ENY2: variants seen among roughly 807,000 people sequenced by gnomAD.
ENY2 encodes ENY2 transcription and export complex 2 subunit.
A neutral mutation model predicts 15.9 loss-of-function variants in ENY2; 4 were observed. The observed-to-expected ratio is 0.25, with a 90% CI of 0.12 to 0.57. The LOEUF (loss-of-function observed/expected upper bound fraction) is 0.57, where lower values mean the gene tolerates loss of function less well. ENY2 is among the 20% of genes least tolerant of loss of function. The pLI, the probability that ENY2 is intolerant of heterozygous loss-of-function variation, is 0.91. For missense variants in ENY2, 54 were observed against 117.2 expected, an observed-to-expected ratio of 0.46 and a Z score of 2.49; for synonymous variants, 48 against 38.0, an observed-to-expected ratio of 1.26 and a Z score of -0.97.
At chr8:109,339,471 A>G in intron 3 of ENY2, 81 bp downstream of exon 3, 2 of 1,134,178 alleles carry the variant, frequency 1.8e-6, no homozygotes, top group Non-Finnish European at 1.3e-6. Flanking sequence ...TTTAAGGTAT[A>G]TTGAGTATTC....
intron 1 of ENY2, 192 bp downstream of exon 1, chr8:109,334,666 G>T (rs768984970): frequency 9.7e-5 from 59 of 611,250 alleles, no homozygotes; most frequent in Non-Finnish European, 1.4e-4. Flanking sequence ...CGCCTCTCCC[G>T]CTGTCTCCGC....
rs1349924968 is a variant in ENY2, at chr8:109,336,825, C to T, written c.83+621C>T. Among the ~76,000 whole-genome samples the T allele has an allele frequency of 2.6e-5, 4 of 151,908 alleles. No individual in the cohort carries two copies. The East Asian group carries it at 5.8e-4, about 22-fold the overall frequency. On this transcript the variant is annotated intron_variant, in intron 2 of 4. Coordinates refer to ENST00000521688, the MANE Select transcript of ENY2 (RefSeq NM_020189.6). ...GCTTTGTTTGGTTCATAATTGGCCA[C>T]GTAAATATTTGCAGAATCAACAGGT... is the stretch of plus-strand genomic sequence containing the variant.
At chr8:109,336,071 T>C in intron 1 of ENY2, 57 bp from the exon 2 acceptor site, 1 of 1,537,750 alleles carries the variant, frequency 6.5e-7, no homozygotes, top group Admixed American at 1.7e-5. Flanking sequence ...GCCTAGAGGA[T>C]TTAGCAGAAA....
At chr8:109,337,986 C>T (rs1268879514) in intron 2 of ENY2, among the ~76,000 whole-genome samples, 1 of 151,494 alleles carries the variant, frequency 6.6e-6, no homozygotes, top group Non-Finnish European at 1.5e-5. Flanking sequence ...TTTTGAGGAG[C>T]ACAGGGATGC....
At chr8:109,342,685 T>C (rs1417534595) in intron 4 of ENY2, 1 of 697,620 alleles carries the variant, frequency 1.4e-6, no homozygotes, top group Non-Finnish European at 2.6e-6. Context: ...TTTTATTTTT[T>C]GTAGAGACAG....
Position 109,345,208 on chromosome 8 carries a change from A to G in ENY2, c.*1727A>G, listed in dbSNP as rs1816218336. On this transcript the variant is annotated 3_prime_UTR_variant, in exon 5 of 5. Coordinates refer to ENST00000521688, the MANE Select transcript of ENY2 (RefSeq NM_020189.6). ...AAGCAGCTATGCATAATTCCTCTTC[A>G]ACACAGTAGTTCTTGAAATTTTGCA... 1 of 152,166 alleles carries G rather than the reference A, an allele frequency of 6.6e-6. No individual in the cohort carries two copies. 9.4% of individuals were successfully genotyped at this position (152,166 alleles called of 1,614,324 possible).
chr8:109,336,244 C>T (rs772422344), intron 2 of ENY2, 40 bp downstream of exon 2: 45 of 1,485,896 alleles, frequency 3.0e-5, no homozygotes, highest in Non-Finnish European at 3.9e-5. Context: ...ATTTCACCGC[C>T]TTTAATAGTT....
At chr8:109,341,109 A>G (rs1008492625) in intron 4 of ENY2, among the ~76,000 whole-genome samples, 10 of 152,248 alleles carry the variant, frequency 6.6e-5, no homozygotes, top group African/African-American at 2.4e-4. Context: ...CAAAGTTAAG[A>G]TGGGAAATAT....
chr8:109,345,488 A>G lies in ENY2; in HGVS notation c.*2007A>G, dbSNP rs2130215068. On this transcript the variant is annotated 3_prime_UTR_variant, in exon 5 of 5. Transcript: ENST00000521688. ...AATTATGTAAAGTTTTGAGCCTGAG[A>G]TAAGCACACAATCACAAAACCTACC... 6.6e-6 allele frequency: 1 copy of G among 152,322 alleles called. No homozygotes were observed. The highest frequency in any genetic ancestry group is 2.1e-4 in the South Asian group (1 of 4,826). 9.4% of individuals were successfully genotyped at this position (152,322 alleles called of 1,614,324 possible).
intron 4 of ENY2, chr8:109,340,846 C>G (rs1345068055): frequency 3.5e-6 from 1 of 283,018 alleles, no homozygotes; most frequent in Non-Finnish European, 6.6e-6. Flanking sequence ...GTGTCAAATA[C>G]TACATGAAGC....
chr8:109,339,572 T>G, intron 3 of ENY2, 182 bp downstream of exon 3: 1 of 501,522 alleles, frequency 2.0e-6, no homozygotes, highest in Non-Finnish European at 3.5e-6. Context: ...TTTTAGAAAT[T>G]TTCTGTTTCT....
intron 4 of ENY2, 61 bp downstream of exon 4, chr8:109,340,624 T>C: frequency 1.3e-6 from 2 of 1,591,836 alleles, no homozygotes; most frequent in Non-Finnish European, 8.5e-7. Context: ...TTAAAATCTC[T>C]TGCTGGTTCA....
chr8:109,342,596 C>T, intron 4 of ENY2: 1 of 623,416 alleles, frequency 1.6e-6, no homozygotes, highest in Admixed American at 2.3e-5. Flanking sequence ...TAGCCCGGAT[C>T]TCCCAGGCTT....
At chr8:109,336,245 T>G in intron 2 of ENY2, 41 bp downstream of exon 2, 1 of 1,482,252 alleles carries the variant, frequency 6.7e-7, no homozygotes, top group Non-Finnish European at 9.4e-7. Flanking sequence ...TTTCACCGCC[T>G]TTAATAGTTA....
Position 109,344,925 on chromosome 8 carries a change from C to G in ENY2, c.*1444C>G, listed in dbSNP as rs773538770. On this transcript the variant is annotated 3_prime_UTR_variant, in exon 5 of 5. Transcript: ENST00000521688. ...ATTCAAGTCTGGTTATTTTATTCCC[C>G]TGCTTGGAATTTCTCAATGTAGAAT... 6.6e-6 allele frequency: 1 copy of G among 152,170 alleles called. No homozygotes were observed. The highest frequency in any genetic ancestry group is 1.5e-5 in the Non-Finnish European group (1 of 68,024). The allele number at this position is 152,170 out of a possible 1,614,324, so 9.4% of individuals were successfully genotyped here.
intron 4 of ENY2, among the ~76,000 whole-genome samples, chr8:109,341,546 T>C (rs997506546): frequency 1.3e-5 from 2 of 152,210 alleles, no homozygotes; most frequent in East Asian, 1.9e-4. Context: ...CTTACACTTA[T>C]TCTGTTAACA....
Position 109,344,831 on chromosome 8 carries a change from C to A in ENY2, c.*1350C>A, listed in dbSNP as rs1342480536. ...GATTATTGTAGTAGACTTAGTATTT[C>A]TTTGCCTTAGTTGATCTGTGACCCC... On this transcript the variant is annotated 3_prime_UTR_variant, in exon 5 of 5. Coordinates refer to ENST00000521688, the MANE Select transcript of ENY2 (RefSeq NM_020189.6). The A allele has an allele frequency of 6.6e-6, 1 of 152,214 alleles. No individual in the cohort carries two copies. The highest frequency in any genetic ancestry group is 1.5e-5 in the Non-Finnish European group (1 of 68,050). 9.4% of individuals were successfully genotyped at this position (152,214 alleles called of 1,614,324 possible).
In ENY2 at chr8:109,345,078, C is replaced by G. The variant is rs1281550793; in HGVS notation, c.*1597C>G. The G allele has an allele frequency of 1.3e-5, 2 of 152,194 alleles. No homozygotes were observed. The highest frequency in any genetic ancestry group is 1.3e-4 in the Admixed American group (2 of 15,276). 9.4% of individuals were successfully genotyped at this position (152,194 alleles called of 1,614,324 possible). The stretch of plus-strand genomic sequence containing the variant: ...ACCTTTGAACCCAGAAGCCCCCTTT[C>G]TCATATGTTTCTCATTCCTGTTTGC... On this transcript the variant is annotated 3_prime_UTR_variant, in exon 5 of 5. Coordinates refer to ENST00000521688, the MANE Select transcript of ENY2 (RefSeq NM_020189.6).
chr8:109,339,818 T>C (rs1816075476), intron 3 of ENY2: 1 of 158,816 alleles, frequency 6.3e-6, no homozygotes, highest in Non-Finnish European at 1.4e-5. Flanking sequence ...TTGCTGGGTA[T>C]TGTTGATGAT....
Sources: gnomAD v4.1 joint callset for allele counts (sites outside exome capture counted in the v4.1 genomes callset) on GRCh38, gnomAD v4.1.1 for gene constraint, MANE v1.5 for transcripts, NCBI Gene and HGNC (gene_info 2026-07-23, HGNC 2026-07-21) for gene names.